The following COL22A1 variants were observed in gnomAD, a reference collection of about 807,000 sequenced individuals.
The protein encoded by COL22A1 is collagen type XXII alpha 1 chain.
A neutral mutation model predicts 248.9 loss-of-function variants in COL22A1; 221 were observed. The observed-to-expected ratio is 0.89, with a 90% CI of 0.80 to 0.99. COL22A1 has a LOEUF of 0.99. Among genes scored for constraint, COL22A1 ranks in the 50% least tolerant of loss-of-function variants. The pLI is 0.00. For synonymous variants in COL22A1, 891 were observed against 793.4 expected (o/e 1.12, Z -2.07); for missense variants, 2,240 against 2,179.0 (o/e 1.03, Z -0.56).
intron 12 of COL22A1, among the ~76,000 whole-genome samples, chr8:138,784,335 G>A (rs553296770): frequency 6.6e-6 from 1 of 152,164 alleles, no homozygotes; most frequent in Non-Finnish European, 1.5e-5. Flanking sequence ...GTCATCAGTT[G>A]TTTCTTGGGA....
chr8:138,839,322 G>C (rs1007847144), intron 4 of COL22A1, among the ~76,000 whole-genome samples: 4 of 152,156 alleles, frequency 2.6e-5, no homozygotes, highest in Admixed American at 6.5e-5. Context: ...ACACTGGCTG[G>C]GAATAGGGTG....
At chr8:138,632,368 G>C (rs1820795167) in intron 49 of COL22A1, among the ~76,000 whole-genome samples, 1 of 152,168 alleles carries the variant, frequency 6.6e-6, no homozygotes, top group Non-Finnish European at 1.5e-5. Flanking sequence ...TGAGAAAATG[G>C]AATTCATGAC....
chr8:138,896,127 C>T (rs1825397797), intron 1 of COL22A1, among the ~76,000 whole-genome samples: 1 of 152,002 alleles, frequency 6.6e-6, no homozygotes, highest in South Asian at 2.1e-4. Context: ...ACAGGCTTAC[C>T]TTTGAAGAAT....
At position 138,623,733 on chromosome 8, in the gene COL22A1, G is replaced by A. The variant is rs367820652; in HGVS notation, c.3770C>T (p.Pro1257Leu). ...AATAGGAAGTTTAGAGTCCTTTACCGGCTCTCCAGGGGGACCCGGCTTTCC... is the reference window on the plus strand; with the variant it reads ...AATAGGAAGTTTAGAGTCCTTTACCAGCTCTCCAGGGGGACCCGGCTTTCC... The part of the protein sequence containing the change: ...RDGKPGPPGE[P>L]GKAGEPGLPG... Residue 1257 changes from proline (P) to leucine (L), a missense_variant and splice_region_variant, in exon 52 of 65, where the codon CCG becomes CTG. By Grantham distance (98) the Pro-to-Leu change is moderately conservative (BLOSUM62 -3). Coordinates refer to ENST00000303045, the MANE Select transcript of COL22A1 (RefSeq NM_152888.3). 63 of 1,610,610 alleles carry A rather than the reference G, an allele frequency of 3.9e-5. No individual in the cohort carries two copies. Among genetic ancestry groups the A allele is most frequent in the Non-Finnish European group, 5.0e-5 (59 of 1,178,842 alleles).
At chr8:138,725,874 G>A (rs1363137113) in intron 23 of COL22A1, among the ~76,000 whole-genome samples, 7 of 152,116 alleles carry the variant, frequency 4.6e-5, no homozygotes, top group Non-Finnish European at 8.8e-5. Flanking sequence ...GCTGGCGCCA[G>A]GATCAGAATC....
chr8:138,616,086 G>A lies in COL22A1; in HGVS notation c.3871-32C>T, dbSNP rs1302753508. 4 of 1,582,898 alleles carry A rather than the reference G, an allele frequency of 2.5e-6. No homozygotes were observed. The South Asian group carries it at 3.3e-5, about 13-fold the overall frequency. ...ACAAAAAAGCCTGCTATTAGGGAAG[G>A]AGATGCTTCAGCCACTGGCTGTCTC... is the stretch of plus-strand genomic sequence containing the variant. On this transcript the variant is annotated intron_variant, in intron 54 of 64. Coordinates refer to ENST00000303045, the MANE Select transcript of COL22A1 (RefSeq NM_152888.3).
intron 16 of COL22A1, among the ~76,000 whole-genome samples, chr8:138,772,338 G>A (rs115232329): frequency 0.027 from 4,163 of 152,244 alleles, 198 homozygotes; most frequent in African/African-American, 0.096. Context: ...TGTGTGTGGG[G>A]GTGGGTGGCT....
intron 9 of COL22A1, among the ~76,000 whole-genome samples, chr8:138,809,066 ATTT>A (rs35173710): frequency 7.4e-5 from 11 of 149,388 alleles, no homozygotes; most frequent in Admixed American, 2.0e-4. Context: ...CCTGTGTTGT[ATTT>A]TTTTTTTTTT....
chr8:138,783,683 A>G (rs947778026), intron 12 of COL22A1, among the ~76,000 whole-genome samples: 2 of 152,202 alleles, frequency 1.3e-5, no homozygotes, highest in Non-Finnish European at 2.9e-5. Context: ...GGTATTAACC[A>G]TCACACACGG....
intron 16 of COL22A1, among the ~76,000 whole-genome samples, chr8:138,772,269 G>T (rs1381168884): frequency 6.6e-6 from 1 of 152,240 alleles, no homozygotes; most frequent in Non-Finnish European, 1.5e-5. Context: ...ACCAGCTCAC[G>T]CAGGGAAGAC....
At chr8:138,760,978 C>T (rs946168556) in intron 17 of COL22A1, among the ~76,000 whole-genome samples, 2 of 152,172 alleles carry the variant, frequency 1.3e-5, no homozygotes, top group African/African-American at 4.8e-5. Flanking sequence ...GGCAGCTGCA[C>T]AATCAATCTC....
rs769340147 is a variant in COL22A1, at chr8:138,684,466, G to A, written c.2971C>T (p.Leu991Phe). ...CCAGGGAGTCCAGGTGATCCACGGA[G>A]TCCCTGGAGAAATAAATAATACAAG... ...PGKGKDGEPG[L>F]RGSPGLPGPL... The change falls in exon 39 of 65, where the codon CTC becomes TTC. Residue 991 changes from leucine to phenylalanine, a missense_variant. Leu to Phe is a conservative substitution (Grantham distance 22). Coordinates refer to ENST00000303045, the MANE Select transcript of COL22A1 (RefSeq NM_152888.3). 1 of 1,608,624 alleles carries A rather than the reference G, an allele frequency of 6.2e-7. No individual in the cohort carries two copies. Among genetic ancestry groups the A allele is most frequent in the Non-Finnish European group, 8.5e-7 (1 of 1,175,072 alleles).
At chr8:138,773,193 G>A (rs1406934472) in intron 16 of COL22A1, among the ~76,000 whole-genome samples, 1 of 152,218 alleles carries the variant, frequency 6.6e-6, no homozygotes, top group Non-Finnish European at 1.5e-5. Context: ...AGCCCCAGGA[G>A]CGGAACCACC....
Position 138,784,986 on chromosome 8 carries a change from A to G in COL22A1, c.1597-4006T>C, listed in dbSNP as rs192233405. ...TCCCTGGTTGTGGGGCAGCCCTATA[A>G]GCTAAGCGTTGCTATCCTCACCCTA... On this transcript the variant is annotated intron_variant, in intron 12 of 64. Coordinates refer to ENST00000303045, the MANE Select transcript of COL22A1 (RefSeq NM_152888.3). Among the ~76,000 whole-genome samples, 339 of 152,294 alleles carry G rather than the reference A, an allele frequency of 2.2e-3. 2 individuals are homozygous for G. Among genetic ancestry groups the G allele is most frequent in the African/African-American group, 7.7e-3 (320 of 41,556 alleles).
At chr8:138,702,689 A>AT (rs1204820050) in intron 31 of COL22A1, among the ~76,000 whole-genome samples, 1 of 152,128 alleles carries the variant, frequency 6.6e-6, no homozygotes, top group Non-Finnish European at 1.5e-5. Context: ...AATAATAGCA[A>AT]TTTTTAAGAT....
At chr8:138,680,093 C>T (rs571561062) in intron 39 of COL22A1, among the ~76,000 whole-genome samples, 7 of 152,192 alleles carry the variant, frequency 4.6e-5, no homozygotes, top group East Asian at 1.9e-4. Flanking sequence ...TTTTAGAAAA[C>T]GGCCCCAAGA....
chr8:138,674,964 T>A (rs931480365), intron 41 of COL22A1, among the ~76,000 whole-genome samples: 3 of 152,106 alleles, frequency 2.0e-5, no homozygotes, highest in African/African-American at 7.2e-5. Flanking sequence ...AGAACAAAGG[T>A]AAAATGAATG....
intron 1 of COL22A1, among the ~76,000 whole-genome samples, chr8:138,892,155 G>A (rs1399020210): frequency 6.6e-6 from 1 of 152,212 alleles, no homozygotes; most frequent in Non-Finnish European, 1.5e-5. Context: ...CATAGAATGA[G>A]TTAAGAAGTA....
At chr8:138,863,474 G>A (rs61162696) in intron 3 of COL22A1, among the ~76,000 whole-genome samples, 1 of 152,156 alleles carries the variant, frequency 6.6e-6, no homozygotes, top group Non-Finnish European at 1.5e-5. Flanking sequence ...CCTCTGCTCA[G>A]GGATGGTGTT....
Sources: gnomAD v4.1 joint callset for allele counts (sites outside exome capture counted in the v4.1 genomes callset) on GRCh38, gnomAD v4.1.1 for gene constraint, MANE v1.5 for transcripts, NCBI Gene and HGNC (gene_info 2026-07-23, HGNC 2026-07-21) for gene names.